Variants in PRICKLE2 observed in about 807,000 individuals in gnomAD.
PRICKLE2 encodes the protein prickle planar cell polarity protein 2, also known as prickle-like protein 2.
In PRICKLE2, 21 loss-of-function variants were observed where a neutral mutation model predicts 81.4. The observed-to-expected ratio is 0.26, with a 90% confidence interval of 0.18 to 0.37. The LOEUF is 0.37. Among genes scored for constraint, PRICKLE2 ranks in the 10% least tolerant of loss-of-function variants. PRICKLE2 has a pLI of 1.00. For synonymous variants in PRICKLE2, 456 were observed against 421.5 expected (o/e 1.08, Z -1.00); for missense variants, 940 against 1,109.0 (o/e 0.85, Z 2.16).
intron 2 of PRICKLE2, among the ~76,000 whole-genome samples, chr3:64,195,675 TA>T (rs557253873): frequency 1.1e-4 from 17 of 151,338 alleles, no homozygotes; most frequent in African/African-American, 2.7e-4. Context: ...TACAGCTTTC[TA>T]AAAAAAAACC....
chr3:64,210,849 T>C (rs911044239), intron 1 of PRICKLE2, among the ~76,000 whole-genome samples: 5 of 152,188 alleles, frequency 3.3e-5, no homozygotes, highest in Non-Finnish European at 7.3e-5. Context: ...GTATCTTAGA[T>C]TGGTTTTCCC....
chr3:64,233,169 T>G lies in PRICKLE2; in HGVS notation c.129-34202A>C, dbSNP rs145151775. On this transcript the variant is annotated intron_variant, in intron 2 of 8. Transcript: ENST00000295902. ...AAATATACACAGGATCTAATATCTT[T>G]CCTCCACCATCATCACACTGGTCCA... Among the ~76,000 whole-genome samples, 875 of 152,260 alleles carry G rather than the reference T, an allele frequency of 5.7e-3. 5 individuals are homozygous for G. The highest frequency in any genetic ancestry group is 0.02 in the African/African-American group (837 of 41,552).
chr3:64,186,233 C>G (rs570379257), intron 2 of PRICKLE2, among the ~76,000 whole-genome samples: 2 of 152,276 alleles, frequency 1.3e-5, no homozygotes, highest in African/African-American at 4.8e-5. Flanking sequence ...AAACTAAGAG[C>G]AGCCACTTTA....
At chr3:64,126,425 T>C (rs1426598800) in intron 7 of PRICKLE2, among the ~76,000 whole-genome samples, 1 of 152,098 alleles carries the variant, frequency 6.6e-6, no homozygotes, top group Non-Finnish European at 1.5e-5. Flanking sequence ...AACCCACACC[T>C]CTACCTCAAA....
chr3:64,168,502 T>G (rs1445566815), intron 2 of PRICKLE2, among the ~76,000 whole-genome samples: 1 of 152,344 alleles, frequency 6.6e-6, no homozygotes, highest in East Asian at 1.9e-4. Context: ...CTGATCTGAA[T>G]GAAGGAAGCG....
intron 2 of PRICKLE2, among the ~76,000 whole-genome samples, chr3:64,183,978 G>A (rs559954643): frequency 2.1e-4 from 32 of 152,318 alleles, no homozygotes; most frequent in Admixed American, 1.2e-3. Context: ...AGCAAGTCAT[G>A]TACGTTCTCT....
intron 7 of PRICKLE2, among the ~76,000 whole-genome samples, chr3:64,115,279 G>T (rs950917093): frequency 1.3e-5 from 2 of 152,190 alleles, no homozygotes; most frequent in African/African-American, 4.8e-5. Flanking sequence ...TCACTGTAAA[G>T]AAACTACATA....
intron 1 of PRICKLE2, among the ~76,000 whole-genome samples, chr3:64,203,738 G>A (rs1289313618): frequency 1.3e-5 from 2 of 151,744 alleles, no homozygotes; most frequent in East Asian, 3.9e-4. Flanking sequence ...ATAACTCGAG[G>A]TGGATGGATC....
At chr3:64,145,717 C>T (rs1297407085) in intron 7 of PRICKLE2, 8 of 152,002 alleles carry the variant, frequency 5.3e-5, no homozygotes, top group Non-Finnish European at 1.2e-4. Flanking sequence ...TCAGAACAGT[C>T]TCAGAAGCTG....
intron 6 of PRICKLE2, 142 bp downstream of exon 6, chr3:64,153,040 A>G (rs35843): frequency 0.99 from 870,263 of 883,216 alleles, 429,621 homozygotes; most frequent in East Asian, 1. Flanking sequence ...TTCTAGTGTC[A>G]TGAATCAAGA....
intron 7 of PRICKLE2, among the ~76,000 whole-genome samples, chr3:64,129,085 G>C (rs1269079816): frequency 1.3e-5 from 2 of 152,154 alleles, no homozygotes; most frequent in Non-Finnish European, 2.9e-5. Context: ...AATGTCTACA[G>C]ATACTGTCAA....
chr3:64,226,805 G>C (rs942430762), upstream of PRICKLE2, among the ~76,000 whole-genome samples: 7 of 152,216 alleles, frequency 4.6e-5, no homozygotes, highest in Non-Finnish European at 8.8e-5. Context: ...AGAGAGGCAA[G>C]AGCCAGGCAA....
intron 7 of PRICKLE2, among the ~76,000 whole-genome samples, chr3:64,135,617 G>A (rs1387794515): frequency 1.3e-5 from 2 of 152,092 alleles, no homozygotes; most frequent in Non-Finnish European, 2.9e-5. Context: ...CCAGAGATGT[G>A]TGATGGTCTG....
chr3:64,117,772 C>T (rs76929390), intron 7 of PRICKLE2, among the ~76,000 whole-genome samples: 1 of 152,138 alleles, frequency 6.6e-6, no homozygotes, highest in South Asian at 2.1e-4. Context: ...AATGGCCATA[C>T]TGCCCAAAGT....
intron 7 of PRICKLE2, among the ~76,000 whole-genome samples, chr3:64,131,919 G>A (rs1048765920): frequency 1.3e-5 from 2 of 152,174 alleles, no homozygotes; most frequent in African/African-American, 2.4e-5. Flanking sequence ...ACCAGGAGGT[G>A]GAATTTGAGC....
chr3:64,180,258 G>C (rs2078104953), intron 2 of PRICKLE2, among the ~76,000 whole-genome samples: 1 of 152,178 alleles, frequency 6.6e-6, no homozygotes, highest in Admixed American at 6.5e-5. Context: ...TCCTTGAAGG[G>C]ACTGCTCCAA....
At chr3:64,172,925 A>G (rs1559555736) in intron 2 of PRICKLE2, among the ~76,000 whole-genome samples, 2 of 152,216 alleles carry the variant, frequency 1.3e-5, no homozygotes, top group Admixed American at 6.5e-5. Context: ...AACCCTGCTG[A>G]CATCTTGATC....
intron 2 of PRICKLE2, among the ~76,000 whole-genome samples, chr3:64,258,602 T>C (rs1238895172): frequency 1.3e-5 from 2 of 151,212 alleles, no homozygotes; most frequent in African/African-American, 4.9e-5. Flanking sequence ...AGGTGGATCA[T>C]GAGGTCAGGA....
At chr3:64,186,933 T>C (rs182021226) in intron 2 of PRICKLE2, among the ~76,000 whole-genome samples, 45 of 152,316 alleles carry the variant, frequency 3.0e-4, no homozygotes, top group Non-Finnish European at 5.0e-4. Context: ...GCTGTGAATT[T>C]ATGCAGGAAG....
Sources: allele counts gnomAD v4.1 joint callset (sites outside exome capture counted in the v4.1 genomes callset), GRCh38; gene constraint gnomAD v4.1.1; transcripts MANE v1.5; gene names NCBI Gene and HGNC (gene_info 2026-07-23, HGNC 2026-07-21).